CADM1: variants seen among roughly 807,000 people sequenced by gnomAD.
CADM1 encodes cell adhesion molecule 1, also known as TSLC-1.
A neutral mutation model predicts 53.1 loss-of-function variants in CADM1; 15 were observed. That is an observed-to-expected ratio of 0.28 (90% CI 0.19 to 0.44). The LOEUF (loss-of-function observed/expected upper bound fraction) is 0.44, where lower values mean the gene tolerates loss of function less well. Among genes scored for constraint, CADM1 ranks in the 20% least tolerant of loss-of-function variants. The pLI is 1.00. For synonymous variants in CADM1, 281 were observed against 243.0 expected, an observed-to-expected ratio of 1.16 and a Z score of -1.45; for missense variants, 434 against 611.3, an observed-to-expected ratio of 0.71 and a Z score of 3.06.
At chr11:115,414,261 T>A (rs1436377006) in intron 1 of CADM1, among the ~76,000 whole-genome samples, 4 of 152,042 alleles carry the variant, frequency 2.6e-5, no homozygotes, top group Non-Finnish European at 4.4e-5. Context: ...GTAAAGAACA[T>A]CAATATGATA....
chr11:115,448,015 T>C (rs1049948087), intron 1 of CADM1, among the ~76,000 whole-genome samples: 1 of 152,166 alleles, frequency 6.6e-6, no homozygotes, highest in Non-Finnish European at 1.5e-5. Context: ...ATTATTCCAA[T>C]ACCTTGTTAC....
chr11:115,188,076 C>T (rs759049762), intron 10 of CADM1, among the ~76,000 whole-genome samples: 25 of 152,144 alleles, frequency 1.6e-4, no homozygotes, highest in Non-Finnish European at 3.2e-4. Flanking sequence ...TGTATATTTA[C>T]CACCTCACTC....
rs539113147 is a variant in CADM1 at position 115,370,621 on chromosome 11, G to A, written c.125-130201C>T. Among the ~76,000 whole-genome samples, 44 of 152,244 alleles carry A rather than the reference G, an allele frequency of 2.9e-4. No individual in the cohort carries two copies. In the East Asian group the frequency reaches 8.5e-3, roughly 29 times the overall value. ...TCAGAATCAAACCAATCTTTCCAAT[G>A]CCTTGATCTTGGAAGTTCCAGCCTC... On this transcript the variant is annotated intron_variant, in intron 1 of 11. Coordinates refer to ENST00000331581, the MANE Select transcript of CADM1 (RefSeq NM_001301043.2).
At chr11:115,434,857 A>ATT (rs1249528701) in intron 1 of CADM1, among the ~76,000 whole-genome samples, 17 of 107,334 alleles carry the variant, frequency 1.6e-4, no homozygotes, top group East Asian at 1.5e-3. Flanking sequence ...TATTATTATT[A>ATT]TTATTATTTT....
At chr11:115,324,222 C>A (rs889847882) in intron 1 of CADM1, among the ~76,000 whole-genome samples, 28 of 152,118 alleles carry the variant, frequency 1.8e-4, no homozygotes, top group African/African-American at 6.5e-4. Flanking sequence ...CTTAATGTAC[C>A]CGTAAAAGTA....
intron 1 of CADM1, among the ~76,000 whole-genome samples, chr11:115,481,736 T>C (rs1231264155): frequency 6.6e-6 from 1 of 152,130 alleles, no homozygotes; most frequent in African/African-American, 2.4e-5. Context: ...ACTCCTCCTC[T>C]TCCCACTCTC....
chr11:115,279,127 G>T (rs1943521146), intron 1 of CADM1, among the ~76,000 whole-genome samples: 1 of 152,162 alleles, frequency 6.6e-6, no homozygotes, highest in Admixed American at 6.5e-5. Flanking sequence ...CTGTCCCTAA[G>T]AATGTCATCC....
intron 1 of CADM1, among the ~76,000 whole-genome samples, chr11:115,493,304 G>A (rs1949541518): frequency 1.3e-5 from 2 of 150,322 alleles, no homozygotes; most frequent in Admixed American, 6.6e-5. Flanking sequence ...AGAGGGGGAA[G>A]AGTAGGGAAG....
intron 10 of CADM1, among the ~76,000 whole-genome samples, chr11:115,185,594 T>A (rs1939504689): frequency 6.6e-6 from 1 of 152,208 alleles, no homozygotes; most frequent in African/African-American, 2.4e-5. Context: ...TAACCATGAG[T>A]GGAAATGACT....
intron 1 of CADM1, among the ~76,000 whole-genome samples, chr11:115,246,491 T>C (rs111677432): frequency 1.9e-3 from 284 of 152,300 alleles, no homozygotes; most frequent in Non-Finnish European, 2.8e-3. Flanking sequence ...TAGAACCCTA[T>C]GGAATCCAGA....
intron 1 of CADM1, among the ~76,000 whole-genome samples, chr11:115,302,281 C>T (rs1944247778): frequency 6.6e-6 from 1 of 152,048 alleles, no homozygotes; most frequent in Admixed American, 6.6e-5. Context: ...AACAAACCTG[C>T]ACATGTATTC....
chr11:115,494,037 T>C (rs1420847304), intron 1 of CADM1, among the ~76,000 whole-genome samples: 1 of 152,150 alleles, frequency 6.6e-6, no homozygotes, highest in African/African-American at 2.4e-5. Context: ...AAAATGTCTT[T>C]ATTCTTAGGC....
chr11:115,338,890 T>A lies in CADM1; in HGVS notation c.125-98470A>T, dbSNP rs867901896. On this transcript the variant is annotated intron_variant, in intron 1 of 11. Transcript: ENST00000331581. Reference sequence around the variant, plus strand: ...TTTATTTTTTTTATTTTTTTTTTTTTAATTTTTTTTTTTTTTTATTATACT... The same window carrying A: ...TTTATTTTTTTTATTTTTTTTTTTTAAATTTTTTTTTTTTTTTATTATACT... 7.3e-3 allele frequency among the ~76,000 whole-genome samples: 886 copies of A among 120,766 alleles called. 11 individuals carry two copies. The highest frequency in any genetic ancestry group is 0.026 in the African/African-American group (812 of 31,046). 79.2% of individuals were successfully genotyped at this position (120,766 alleles called of 152,430 possible).
chr11:115,334,575 T>G (rs533023185), intron 1 of CADM1, among the ~76,000 whole-genome samples: 4 of 152,284 alleles, frequency 2.6e-5, no homozygotes, highest in African/African-American at 9.6e-5. Flanking sequence ...TTATTGTGCC[T>G]AATTTATAAG....
rs539648063 is a variant in CADM1, at chr11:115,385,528, A to G, written c.124+118743T>C. Among the ~76,000 whole-genome samples the G allele has an allele frequency of 2.6e-5, 4 of 152,230 alleles. No homozygotes were observed. The South Asian group carries it at 8.3e-4, about 32-fold the overall frequency. ...TCTCAATTATTCTATTACATATTTG[A>G]AAATATGATTTTTACTTTATGTTTG... On this transcript the variant is annotated intron_variant, in intron 1 of 11. Transcript: ENST00000331581.
At chr11:115,395,965 CAA>C (rs1946984447) in intron 1 of CADM1, among the ~76,000 whole-genome samples, 1 of 152,116 alleles carries the variant, frequency 6.6e-6, no homozygotes, top group Non-Finnish European at 1.5e-5. Context: ...TCATGACATT[CAA>C]AGAGTTCATC....
intron 1 of CADM1, among the ~76,000 whole-genome samples, chr11:115,304,775 A>C (rs1274247243): frequency 6.6e-6 from 1 of 152,030 alleles, no homozygotes; most frequent in Non-Finnish European, 1.5e-5. Context: ...TTCACAACTC[A>C]AATTAAAAAA....
intron 1 of CADM1, among the ~76,000 whole-genome samples, chr11:115,340,656 A>ATTTTTTTT (rs1365807207): frequency 2.3e-4 from 12 of 52,348 alleles, no homozygotes; most frequent in African/African-American, 5.7e-4. Context: ...ATATATATAT[A>ATTTTTTTT]TATTTTTTTT....
intron 9 of CADM1, among the ~76,000 whole-genome samples, chr11:115,191,293 T>A (rs1939847056): frequency 6.6e-6 from 1 of 152,220 alleles, no homozygotes; most frequent in Non-Finnish European, 1.5e-5. Flanking sequence ...TGTATTTAGA[T>A]GTTACATACT....
Sources: gnomAD v4.1 joint callset for allele counts (sites outside exome capture counted in the v4.1 genomes callset) on GRCh38, gnomAD v4.1.1 for gene constraint, MANE v1.5 for transcripts, NCBI Gene and HGNC (gene_info 2026-07-23, HGNC 2026-07-21) for gene names.